MRPL1: variants seen among roughly 807,000 people sequenced by gnomAD.
The protein encoded by MRPL1 is mitochondrial ribosomal protein L1.
MRPL1 carries 28 observed loss-of-function variants against 38.0 expected under a neutral mutation model. That is an observed-to-expected ratio of 0.74 (90% CI 0.55 to 1.01). The LOEUF (loss-of-function observed/expected upper bound fraction) is 1.01. MRPL1 is among the 50% of genes least tolerant of loss of function. The probability of loss-of-function intolerance (pLI) is 0.00; values close to 1 mark genes in which losing one functional copy is unlikely to be tolerated. For missense variants in MRPL1, 358 were observed against 389.8 expected, an observed-to-expected ratio of 0.92 and a Z score of 0.69; for synonymous variants, 123 against 126.7, an observed-to-expected ratio of 0.97 and a Z score of 0.20.
chr4:77,918,303 T>A (rs745818942), intron 7 of MRPL1, among the ~76,000 whole-genome samples: 56 of 152,344 alleles, frequency 3.7e-4, no homozygotes, highest in Non-Finnish European at 4.0e-4. Context: ...TTAACTTTGA[T>A]AGAAAGTTAA....
At chr4:77,904,330 A>C (rs913153434) in intron 6 of MRPL1, among the ~76,000 whole-genome samples, 1 of 152,092 alleles carries the variant, frequency 6.6e-6, no homozygotes, top group African/African-American at 2.4e-5. Flanking sequence ...GAGGCAGGTG[A>C]ATCACTTGAG....
intron 6 of MRPL1, among the ~76,000 whole-genome samples, chr4:77,904,785 A>G (rs1736116566): frequency 1.3e-5 from 2 of 152,328 alleles, no homozygotes; most frequent in East Asian, 1.9e-4. Flanking sequence ...AATTTTTTCA[A>G]TGAATTGTGC....
chr4:77,911,147 T>C (rs1736279607), intron 7 of MRPL1, among the ~76,000 whole-genome samples: 1 of 152,212 alleles, frequency 6.6e-6, no homozygotes, highest in Admixed American at 6.5e-5. Context: ...ACTATGTGGT[T>C]TTGAAGATTA....
intron 6 of MRPL1, among the ~76,000 whole-genome samples, chr4:77,899,078 C>G (rs777928854): frequency 3.3e-5 from 5 of 149,384 alleles, no homozygotes; most frequent in African/African-American, 7.4e-5. Context: ...ACTGCAACCT[C>G]TGCCTCCTGG....
intron 7 of MRPL1, among the ~76,000 whole-genome samples, chr4:77,941,282 G>T (rs1434570109): frequency 6.6e-6 from 1 of 150,746 alleles, no homozygotes; most frequent in Admixed American, 6.6e-5. Flanking sequence ...AAAAAAAAAA[G>T]AGGATTTTTG....
chr4:77,885,575 CG>C (rs946315214), intron 4 of MRPL1, among the ~76,000 whole-genome samples: 3 of 152,060 alleles, frequency 2.0e-5, no homozygotes, highest in Non-Finnish European at 4.4e-5. Context: ...CCATGTTGGC[CG>C]GGGTAGTCTT....
At chr4:77,916,820 T>G (rs1736433762) in intron 7 of MRPL1, among the ~76,000 whole-genome samples, 1 of 152,200 alleles carries the variant, frequency 6.6e-6, no homozygotes, top group African/African-American at 2.4e-5. Flanking sequence ...ATTCTCTAAG[T>G]ATATCCATAA....
intron 3 of MRPL1, 88 bp from the exon 4 acceptor site, chr4:77,885,168 C>G (rs1387521016): frequency 3.0e-6 from 3 of 1,000,760 alleles, no homozygotes; most frequent in Non-Finnish European, 4.7e-6. Context: ...ACACTGAAAA[C>G]AAAACATGTC....
chr4:77,870,087 T>C (rs1478364583), intron 1 of MRPL1, among the ~76,000 whole-genome samples: 1 of 152,054 alleles, frequency 6.6e-6, no homozygotes, highest in East Asian at 1.9e-4. Flanking sequence ...AGAGATGGGG[T>C]TCCACTCTAT....
In MRPL1 at chr4:77,890,421, C is replaced by T. The variant is rs540805373; in HGVS notation, c.558+3130C>T. ...TCTCAATAGATGCAGAAAAGACCTT[C>T]GACAAAATTCAACAGCCCTTCATGC... On this transcript the variant is annotated intron_variant, in intron 5 of 8. Transcript: ENST00000315567. Among the ~76,000 whole-genome samples the T allele has an allele frequency of 4.5e-3, 684 of 152,106 alleles. 2 individuals are homozygous for T. The highest frequency in any genetic ancestry group is 7.1e-3 in the Non-Finnish European group (481 of 68,002).
chr4:77,939,035 T>C lies in MRPL1; in HGVS notation c.778-10762T>C, dbSNP rs144549410. 3.8e-3 allele frequency among the ~76,000 whole-genome samples: 575 copies of C among 152,316 alleles called. 5 individuals are homozygous for C. The highest frequency in any genetic ancestry group is 0.013 in the African/African-American group (549 of 41,564). On this transcript the variant is annotated intron_variant, in intron 7 of 8. Coordinates refer to ENST00000315567, the MANE Select transcript of MRPL1 (RefSeq NM_020236.4). ...CTCATCACCCGAGCAGTGTACACTG[T>C]ACCCAAAGTGTAGTCTTTTATCCCT... is the stretch of plus-strand genomic sequence containing the variant.
At chr4:77,952,096 TAC>T (rs1279689467) in intron 8 of MRPL1, among the ~76,000 whole-genome samples, 1 of 152,238 alleles carries the variant, frequency 6.6e-6, no homozygotes, top group Non-Finnish European at 1.5e-5. Context: ...AGGCGCTTCT[TAC>T]AGTTTTCACT....
chr4:77,933,559 G>T (rs867204358), intron 7 of MRPL1, among the ~76,000 whole-genome samples: 1 of 152,104 alleles, frequency 6.6e-6, no homozygotes, highest in South Asian at 2.1e-4. Flanking sequence ...GGAACTCTAA[G>T]ATCATAGAAA....
intron 7 of MRPL1, among the ~76,000 whole-genome samples, chr4:77,922,831 A>G (rs1736610251): frequency 6.6e-6 from 1 of 152,174 alleles, no homozygotes; most frequent in Admixed American, 6.5e-5. Context: ...AGAAGCTCAG[A>G]TTTGGACCTG....
At position 77,890,948 on chromosome 4, in the gene MRPL1, T is replaced by C. The variant is rs943312573; in HGVS notation, c.559-3191T>C. On this transcript the variant is annotated intron_variant, in intron 5 of 8. Coordinates refer to ENST00000315567, the MANE Select transcript of MRPL1 (RefSeq NM_020236.4). ...GGAACTTTTAACTGGGCTCATCCTT[T>C]GAGGTAAACAGCAGTGCTCATAGTT... Among the ~76,000 whole-genome samples the C allele has an allele frequency of 1.4e-3, 217 of 152,302 alleles. 1 individual carries two copies. Among genetic ancestry groups the C allele is most frequent in the African/African-American group, 5.1e-3 (213 of 41,562 alleles).
intron 6 of MRPL1, among the ~76,000 whole-genome samples, chr4:77,894,868 G>A (rs527797219): frequency 2.0e-5 from 3 of 152,086 alleles, no homozygotes; most frequent in Non-Finnish European, 4.4e-5. Context: ...ACATAAAGGA[G>A]GTAACATTAG....
At chr4:77,905,988 G>A (rs1294033656) in intron 6 of MRPL1, among the ~76,000 whole-genome samples, 1 of 152,122 alleles carries the variant, frequency 6.6e-6, no homozygotes, top group African/African-American at 2.4e-5. Flanking sequence ...AGAGAGATTG[G>A]GGCTGGAGAT....
At chr4:77,942,472 G>C (rs886753064) in intron 7 of MRPL1, among the ~76,000 whole-genome samples, 1 of 151,996 alleles carries the variant, frequency 6.6e-6, no homozygotes, top group African/African-American at 2.4e-5. Context: ...TTTGAAATCT[G>C]CCACTATTAT....
chr4:77,914,497 T>A (rs977582113), intron 7 of MRPL1, among the ~76,000 whole-genome samples: 26 of 152,328 alleles, frequency 1.7e-4, no homozygotes, highest in African/African-American at 4.8e-4. Context: ...ACGTGCAGTA[T>A]GTCAAGTTTT....
Sources: allele counts gnomAD v4.1 joint callset (sites outside exome capture counted in the v4.1 genomes callset), GRCh38; gene constraint gnomAD v4.1.1; transcripts MANE v1.5; gene names NCBI Gene and HGNC (gene_info 2026-07-23, HGNC 2026-07-21).